Variants in LYST observed in about 807,000 individuals in gnomAD.
The protein encoded by LYST is lysosomal-trafficking regulator.
In LYST, 192 loss-of-function variants were observed where a neutral mutation model predicts 413.6. The observed-to-expected ratio is 0.46, with a 90% CI of 0.41 to 0.52. LYST has a LOEUF of 0.52. Ranked by LOEUF, LYST falls within the 20% of genes least tolerant of loss-of-function variation. The probability of loss-of-function intolerance (pLI) is 0.00; values close to 1 mark genes in which losing one functional copy is unlikely to be tolerated. For synonymous variants in LYST, 1,525 were observed against 1,567.3 expected (o/e 0.97, Z 0.64); for missense variants, 3,815 against 4,499.9 (o/e 0.85, Z 4.35).
At position 235,854,937 on chromosome 1, in the gene LYST, G is replaced by A. The variant is rs1678985603; in HGVS notation, c.-98+11906C>T. On this transcript the variant is annotated intron_variant, in intron 1 of 52. Coordinates refer to ENST00000389793, the MANE Select transcript of LYST (RefSeq NM_000081.4). This position sits in a 1 kb window ranked among gnomAD's most constrained non-coding sequence, Gnocchi z 4.1. ...TGACAAATGTCACTCCAATTCATAG[G>A]GAAGAAGATCCCAACTGCTTATTAT... 6.6e-6 allele frequency among the ~76,000 whole-genome samples: 1 copy of A among 152,108 alleles called. No individual in the cohort carries two copies. The highest frequency in any genetic ancestry group is 1.5e-5 in the Non-Finnish European group (1 of 68,010).
intron 30 of LYST, among the ~76,000 whole-genome samples, chr1:235,743,681 A>G (rs1235921483): frequency 1.3e-5 from 2 of 152,212 alleles, no homozygotes; most frequent in Non-Finnish European, 2.9e-5. Flanking sequence ...AAACTCCCAT[A>G]GTAGTCATCA....
chr1:235,796,508 A>T (rs1671568937), intron 10 of LYST, among the ~76,000 whole-genome samples: 1 of 152,230 alleles, frequency 6.6e-6, no homozygotes, highest in Admixed American at 6.5e-5. Flanking sequence ...ATACGCAAAT[A>T]GCTAAAAAGC....
intron 3 of LYST, among the ~76,000 whole-genome samples, chr1:235,815,853 C>A (rs1037170235): frequency 6.6e-6 from 1 of 152,054 alleles, no homozygotes; most frequent in Non-Finnish European, 1.5e-5. Context: ...TAAAATGGGG[C>A]CGGGCGCGGT....
intron 1 of LYST, among the ~76,000 whole-genome samples, chr1:235,849,486 C>T (rs1305581310): frequency 2.0e-5 from 3 of 151,846 alleles, no homozygotes; most frequent in African/African-American, 7.3e-5. Flanking sequence ...TCACCACTCC[C>T]CTTCAACATA....
chr1:235,730,810 T>C (rs1327313020), intron 36 of LYST, 37 bp downstream of exon 36: 1 of 1,180,722 alleles, frequency 8.5e-7, no homozygotes, highest in South Asian at 1.2e-5. Flanking sequence ...CTGTTGTATA[T>C]TCATGAAAGA....
At chr1:235,876,613 TG>T (rs1681149888) in intron 1 of LYST, among the ~76,000 whole-genome samples, 1 of 152,262 alleles carries the variant, frequency 6.6e-6, no homozygotes, top group Non-Finnish European at 1.5e-5. Flanking sequence ...TCTGATTTTT[TG>T]TTCCTGGCAG....
chr1:235,713,055 C>T (rs768246124), intron 42 of LYST: 57 of 985,244 alleles, frequency 5.8e-5, no homozygotes, highest in African/African-American at 7.0e-5. Context: ...ACAAACACAT[C>T]GCAGCATCAG....
chr1:235,722,412 G>C (rs1663457299), intron 39 of LYST, among the ~76,000 whole-genome samples: 1 of 152,176 alleles, frequency 6.6e-6, no homozygotes, highest in Non-Finnish European at 1.5e-5. Context: ...GGTAGTGAAG[G>C]GACTGGAGGT....
chr1:235,769,651 G>T (rs1372162756), intron 20 of LYST, among the ~76,000 whole-genome samples: 1 of 151,564 alleles, frequency 6.6e-6, no homozygotes, highest in South Asian at 2.1e-4. Flanking sequence ...TAAAGGCAGA[G>T]AAAAAAATTA....
chr1:235,701,428 G>A (rs1661540410), intron 45 of LYST, among the ~76,000 whole-genome samples: 1 of 152,094 alleles, frequency 6.6e-6, no homozygotes, highest in Admixed American at 6.5e-5. Context: ...AGGAGTTCGA[G>A]ACCAGCCCGG....
chr1:235,797,954 T>G (rs1284310992), intron 10 of LYST, among the ~76,000 whole-genome samples: 1 of 152,088 alleles, frequency 6.6e-6, no homozygotes, highest in African/African-American at 2.4e-5. Context: ...AATTCAAACA[T>G]AAGCAGAGGG....
intron 25 of LYST, 61 bp from the exon 26 acceptor site, chr1:235,753,335 T>C: frequency 2.0e-6 from 2 of 1,011,988 alleles, no homozygotes. Flanking sequence ...GAAAATATGA[T>C]AGCAACTATG....
intron 29 of LYST, among the ~76,000 whole-genome samples, 186 bp downstream of exon 29, chr1:235,746,150 G>A (rs189190711): frequency 2.6e-5 from 4 of 152,230 alleles, no homozygotes; most frequent in South Asian, 2.1e-4. Flanking sequence ...GGCTAGCATC[G>A]AACACATTCA....
At chr1:235,827,282 C>T (rs543865068) in intron 3 of LYST, 1 of 240,878 alleles carries the variant, frequency 4.2e-6, no homozygotes, top group Non-Finnish European at 6.7e-6. Context: ...GACATGACAA[C>T]CTCTAGAACC....
intron 14 of LYST, 27 bp downstream of exon 14, chr1:235,787,173 G>A (rs557114270): frequency 1.9e-6 from 3 of 1,559,656 alleles, no homozygotes; most frequent in Admixed American, 1.7e-5. Flanking sequence ...CTGAGATTGA[G>A]ATGCATTTTC....
chr1:235,738,410 A>G, intron 31 of LYST: 1 of 1,613,566 alleles, frequency 6.2e-7, no homozygotes. Flanking sequence ...TATTGTTTCA[A>G]ATCCAGTGGA....
intron 48 of LYST, among the ~76,000 whole-genome samples, chr1:235,678,722 C>T (rs1659577009): frequency 6.6e-6 from 1 of 152,128 alleles, no homozygotes; most frequent in Middle Eastern, 3.4e-3. Context: ...TGTTCTACAT[C>T]CTATTTCTTC....
At chr1:235,668,534 C>G (rs2103017634) in intron 50 of LYST, among the ~76,000 whole-genome samples, 2 of 152,226 alleles carry the variant, frequency 1.3e-5, no homozygotes, top group Middle Eastern at 3.4e-3. Context: ...CCAGGGACAC[C>G]TGAATACCCT....
intron 19 of LYST, among the ~76,000 whole-genome samples, chr1:235,772,080 C>G (rs1668764080): frequency 6.6e-6 from 1 of 151,826 alleles, no homozygotes; most frequent in South Asian, 2.1e-4. Flanking sequence ...TAAAAATTAT[C>G]CAAGCATGGT....
Sources: allele counts gnomAD v4.1 joint callset (sites outside exome capture counted in the v4.1 genomes callset), GRCh38; gene constraint gnomAD v4.1.1; non-coding constraint Gnocchi (gnomAD v3.1); transcripts MANE v1.5; gene names NCBI Gene and HGNC (gene_info 2026-07-23, HGNC 2026-07-21).